Variants in PKP4 observed in about 807,000 individuals in gnomAD.
PKP4 encodes the protein plakophilin 4.
Under a neutral mutation model 145.1 loss-of-function variants are expected in PKP4, and 90 were observed. The ratio of observed to expected loss-of-function variants is 0.62; its 90% CI spans 0.52 to 0.74. PKP4 has a LOEUF of 0.74. Among genes scored for constraint, PKP4 ranks in the 30% least tolerant of loss-of-function variants. The pLI, the probability that PKP4 is intolerant of heterozygous loss-of-function variation, is 0.00. For synonymous variants in PKP4, 563 were observed against 577.2 expected (o/e 0.98, Z 0.35); for missense variants, 1,340 against 1,482.7 (o/e 0.90, Z 1.58).
intron 1 of PKP4, among the ~76,000 whole-genome samples, chr2:158,483,342 A>ATG (rs1214564810): frequency 6.7e-6 from 1 of 149,660 alleles, no homozygotes; most frequent in Non-Finnish European, 1.5e-5. Context: ...TCTGTGTATA[A>ATG]ACAGATTGCT....
At chr2:158,539,255 G>A (rs918254867) in intron 2 of PKP4, among the ~76,000 whole-genome samples, 5 of 152,168 alleles carry the variant, frequency 3.3e-5, no homozygotes, top group Non-Finnish European at 7.3e-5. Flanking sequence ...TCCTATTGAT[G>A]TTACTTCATT....
chr2:158,598,184 G>A (rs1187843580), intron 3 of PKP4, among the ~76,000 whole-genome samples: 1 of 152,160 alleles, frequency 6.6e-6, no homozygotes, highest in Non-Finnish European at 1.5e-5. Flanking sequence ...TTCAGGCTAA[G>A]AACTGTTTCT....
chr2:158,661,273 C>A, intron 12 of PKP4, 60 bp from the exon 13 acceptor site: 1 of 1,230,230 alleles, frequency 8.1e-7, no homozygotes, highest in Non-Finnish European at 1.2e-6. Flanking sequence ...AAGGTTAAGT[C>A]CACGTGGCTG....
At chr2:158,541,499 TA>T (rs1330491127) in intron 2 of PKP4, among the ~76,000 whole-genome samples, 1 of 152,086 alleles carries the variant, frequency 6.6e-6, no homozygotes, top group African/African-American at 2.4e-5. Flanking sequence ...CTTAATAATG[TA>T]GGAGTTACAC....
intron 2 of PKP4, 133 bp downstream of exon 2, chr2:158,533,449 C>T: frequency 9.3e-7 from 1 of 1,073,378 alleles, no homozygotes; most frequent in Non-Finnish European, 1.4e-6. Flanking sequence ...TGTTTACATC[C>T]CTGAGTACAT....
chr2:158,639,128 A>G (rs1368805504), intron 9 of PKP4, among the ~76,000 whole-genome samples: 1 of 152,246 alleles, frequency 6.6e-6, no homozygotes, highest in Non-Finnish European at 1.5e-5. Context: ...AAGGTAAATG[A>G]GATAATGAAG....
intron 15 of PKP4, among the ~76,000 whole-genome samples, chr2:158,665,186 G>A (rs945839035): frequency 1.3e-5 from 2 of 152,216 alleles, no homozygotes; most frequent in East Asian, 3.8e-4. Context: ...CCAGAAGGGA[G>A]ACGGGCTGGG....
chr2:158,678,949 T>C, intron 21 of PKP4: 2 of 413,856 alleles, frequency 4.8e-6, no homozygotes, highest in Non-Finnish European at 8.9e-6. Context: ...CCACTCTTTT[T>C]CTGTTAAGCT....
At chr2:158,499,770 C>T (rs1696283431) in intron 1 of PKP4, among the ~76,000 whole-genome samples, 1 of 152,140 alleles carries the variant, frequency 6.6e-6, no homozygotes, top group Non-Finnish European at 1.5e-5. Context: ...ATTGGTAATA[C>T]TTGGACTAAA....
chr2:158,505,822 A>T (rs1307683371), intron 1 of PKP4, among the ~76,000 whole-genome samples: 2 of 151,956 alleles, frequency 1.3e-5, no homozygotes, highest in Admixed American at 6.6e-5. Flanking sequence ...GCAGGGAGGG[A>T]TAGAGTGCTG....
intron 4 of PKP4, among the ~76,000 whole-genome samples, chr2:158,609,861 A>C (rs181952111): frequency 2.9e-4 from 44 of 152,340 alleles, no homozygotes; most frequent in African/African-American, 9.9e-4. Context: ...TGGGGGCAGA[A>C]GTTAAGGAGG....
intron 1 of PKP4, 183 bp downstream of exon 1, chr2:158,457,401 G>A: frequency 6.6e-6 from 1 of 152,084 alleles, no homozygotes; most frequent in Non-Finnish European, 1.5e-5. Context: ...GTTCCTGCCC[G>A]CACTCGCCTG....
intron 1 of PKP4, among the ~76,000 whole-genome samples, chr2:158,470,688 G>A (rs978167835): frequency 1.3e-5 from 2 of 152,200 alleles, no homozygotes; most frequent in African/African-American, 4.8e-5. Context: ...CTAGTAAGAA[G>A]AACTGAGTTA....
intron 1 of PKP4, among the ~76,000 whole-genome samples, chr2:158,491,961 A>G (rs1315708013): frequency 1.3e-5 from 2 of 152,058 alleles, no homozygotes; most frequent in African/African-American, 4.8e-5. Context: ...GGTGCGCATC[A>G]CCATGCTGGA....
chr2:158,511,162 G>A (rs930440798), intron 1 of PKP4, among the ~76,000 whole-genome samples: 3 of 152,136 alleles, frequency 2.0e-5, no homozygotes, highest in East Asian at 3.9e-4. Flanking sequence ...CAAGGCGAGC[G>A]GATCACCTGA....
chr2:158,467,154 C>T (rs1289886334), intron 1 of PKP4, among the ~76,000 whole-genome samples: 1 of 152,124 alleles, frequency 6.6e-6, no homozygotes, highest in Non-Finnish European at 1.5e-5. Flanking sequence ...TTTTGGTTGT[C>T]CCTTTCCCAA....
chr2:158,490,972 G>A (rs1444220224), intron 1 of PKP4, among the ~76,000 whole-genome samples: 1 of 152,106 alleles, frequency 6.6e-6, no homozygotes, highest in Admixed American at 6.5e-5. Context: ...GTTTTTGTTT[G>A]TGTGTACTCT....
rs145766705 is a variant in PKP4, at chr2:158,650,988, G to C, written c.1910-7143G>C. Among the ~76,000 whole-genome samples the C allele has an allele frequency of 8.2e-3, 1,256 of 152,286 alleles. 4 individuals are homozygous for C. Among genetic ancestry groups the C allele is most frequent in the Non-Finnish European group, 0.014 (943 of 68,020 alleles). On this transcript the variant is annotated intron_variant, in intron 11 of 21. Transcript: ENST00000389759. ...TCACTGCACAGGTTTCAGGAACTCTGCTCAGATAGTGGCATCTTAGAAACT... is the reference window on the plus strand; with the variant it reads ...TCACTGCACAGGTTTCAGGAACTCTCCTCAGATAGTGGCATCTTAGAAACT...
At chr2:158,661,585 G>A (rs560010982) in intron 13 of PKP4, 135 bp downstream of exon 13, 5 of 628,402 alleles carry the variant, frequency 8.0e-6, no homozygotes, top group Non-Finnish European at 1.4e-5. Flanking sequence ...AGATCAAAGG[G>A]CAAGTCTCCA....
Sources: allele counts gnomAD v4.1 joint callset (sites outside exome capture counted in the v4.1 genomes callset), GRCh38; gene constraint gnomAD v4.1.1; transcripts MANE v1.5; gene names NCBI Gene and HGNC (gene_info 2026-07-23, HGNC 2026-07-21).